The following MTAP variants were observed in gnomAD, a reference collection of about 807,000 sequenced individuals.
MTAP encodes S-methyl-5'-thioadenosine phosphorylase.
A neutral mutation model predicts 33.6 loss-of-function variants in MTAP; 33 were observed. The ratio of observed to expected loss-of-function variants is 0.98; its 90% CI spans 0.74 to 1.31. The LOEUF is 1.31. Ranked by LOEUF, MTAP falls within the 40% of genes most tolerant of loss-of-function variation. The pLI is 0.00. For synonymous variants in MTAP, 148 were observed against 125.7 expected (o/e 1.18, Z -1.19); for missense variants, 367 against 360.0 (o/e 1.02, Z -0.16).
At chr9:21,921,052 A>T (rs1360052621) in intron 1 of MTAP, among the ~76,000 whole-genome samples, 1 of 151,888 alleles carries the variant, frequency 6.6e-6, no homozygotes, top group Non-Finnish European at 1.5e-5. Context: ...TTAATGGGAG[A>T]CTTTTTATTA....
At chr9:21,930,823 A>G in intron 1 of MTAP, 1 of 691,086 alleles carries the variant, frequency 1.4e-6, no homozygotes, top group South Asian at 1.7e-5. Context: ...CAACTCCTAA[A>G]TCGAGCCTCC....
chr9:21,918,697 T>C (rs1288647473), intron 1 of MTAP, among the ~76,000 whole-genome samples: 1 of 152,146 alleles, frequency 6.6e-6, no homozygotes, highest in Non-Finnish European at 1.5e-5. Flanking sequence ...CTCGTGCTGT[T>C]CTCGTGATAG....
At chr9:21,819,119 G>T (rs1218593268) in intron 4 of MTAP, among the ~76,000 whole-genome samples, 1 of 148,470 alleles carries the variant, frequency 6.7e-6, no homozygotes. Context: ...ATTCTGTTGT[G>T]TATATATACC....
At chr9:21,805,409 T>C (rs1824184512) in intron 1 of MTAP, among the ~76,000 whole-genome samples, 1 of 152,222 alleles carries the variant, frequency 6.6e-6, no homozygotes, top group Non-Finnish European at 1.5e-5. Flanking sequence ...GAGGCCTTTA[T>C]TTATTTTCTT....
In MTAP at chr9:21,918,216, G is replaced by A. The variant is rs563833132; in HGVS notation, c.148-12792G>A. Among the ~76,000 whole-genome samples, 411 of 142,406 alleles carry A rather than the reference G, an allele frequency of 2.9e-3. 67 individuals are homozygous for A. The highest frequency in any genetic ancestry group is 0.011 in the African/African-American group (389 of 34,150). The allele number at this position is 142,406 out of a possible 152,430, so 93.4% of individuals were successfully genotyped here. A position where few individuals can be genotyped will look rare whatever the true frequency, so the allele number is the denominator to read the frequency against. On this transcript the variant is annotated intron_variant, in intron 1 of 1. Transcript: ENST00000577563. ...ATACAAAAAATTAGCCGGGCGTAGT[G>A]GCGGGCGCCTGTAGTCCCAGCTACT...
intron 4 of MTAP, among the ~76,000 whole-genome samples, chr9:21,826,691 A>G (rs940424478): frequency 6.6e-6 from 1 of 151,540 alleles, no homozygotes; most frequent in Admixed American, 6.6e-5. Context: ...TACCCCCCCA[A>G]AAAAACAACA....
chr9:21,884,797 A>G (rs1818081733), intron 1 of MTAP, among the ~76,000 whole-genome samples: 1 of 152,162 alleles, frequency 6.6e-6, no homozygotes, highest in African/African-American at 2.4e-5. Context: ...GTTTCAACAT[A>G]TGAACTTTGG....
intron 1 of MTAP, among the ~76,000 whole-genome samples, chr9:21,916,360 A>G (rs1818692359): frequency 6.6e-6 from 1 of 152,192 alleles, no homozygotes; most frequent in Non-Finnish European, 1.5e-5. Context: ...CTGAAATCCC[A>G]GCACTTTAGG....
chr9:21,873,526 T>A (rs73440418), intron 1 of MTAP, among the ~76,000 whole-genome samples: 4,536 of 151,980 alleles, frequency 0.03, 192 homozygotes, highest in African/African-American at 0.082. Flanking sequence ...TGAGAACACG[T>A]CTAGAAGGTG....
chr9:21,923,362 A>C (rs182369233), intron 1 of MTAP, among the ~76,000 whole-genome samples: 14 of 152,162 alleles, frequency 9.2e-5, no homozygotes, highest in Admixed American at 8.5e-4. Flanking sequence ...GATCTCACCT[A>C]CTTGCTTTTT....
chr9:21,854,918 C>T, intron 6 of MTAP, 48 bp downstream of exon 6: 1 of 1,598,034 alleles, frequency 6.3e-7, no homozygotes, highest in East Asian at 2.2e-5. Flanking sequence ...TTTCTGGGTG[C>T]CAATAGGGTG....
intron 1 of MTAP, chr9:21,892,051 A>G (rs1818209789): frequency 6.6e-6 from 1 of 152,212 alleles, no homozygotes; most frequent in East Asian, 1.9e-4. Context: ...GAGAAATAAA[A>G]TCTTTTTCAG....
Position 21,863,959 on chromosome 9 carries a change from A to G in MTAP, c.*1945A>G, listed in dbSNP as rs1417430417. The G allele has an allele frequency of 4.1e-6, 4 of 985,732 alleles. No homozygotes were observed. The East Asian group carries it at 3.4e-4, about 84-fold the overall frequency. 61.1% of individuals were successfully genotyped at this position (985,732 alleles called of 1,614,324 possible). A position where few individuals can be genotyped will look rare whatever the true frequency, so the allele number is the denominator to read the frequency against. On this transcript the variant is annotated 3_prime_UTR_variant, in exon 8 of 8. Coordinates refer to ENST00000644715, the MANE Select transcript of MTAP (RefSeq NM_002451.4). The stretch of plus-strand genomic sequence containing the variant: ...TTTCAACTCTGGTTATCCATTAGCA[A>G]TCTGTAGAGAACTTAATGAACCTGA...
At chr9:21,803,035 C>CACACACACACACACACACCA in intron 1 of MTAP, 1 of 1,077,106 alleles carries the variant, frequency 9.3e-7, no homozygotes, top group Non-Finnish European at 1.2e-6. Context: ...CACACACACA[C>CACACACACACACACACACCA]ACCACCTTTT....
intron 1 of MTAP, among the ~76,000 whole-genome samples, chr9:21,915,633 C>T (rs1170086216): frequency 6.6e-6 from 1 of 152,052 alleles, no homozygotes; most frequent in Non-Finnish European, 1.5e-5. Flanking sequence ...TCTGAGTATA[C>T]TTATTTCAAT....
intron 5 of MTAP, among the ~76,000 whole-genome samples, chr9:21,841,971 T>C (rs1825258350): frequency 1.3e-5 from 2 of 152,200 alleles, no homozygotes; most frequent in African/African-American, 2.4e-5. Flanking sequence ...GATTGGTTAT[T>C]AAGCTACTCA....
At position 21,840,856 on chromosome 9, in the gene MTAP, T is replaced by C. The variant is rs1825225659; in HGVS notation, c.450+2846T>C. Among the ~76,000 whole-genome samples the C allele has an allele frequency of 2.0e-5, 3 of 152,172 alleles. No homozygotes were observed. The South Asian group carries it at 6.2e-4, about 31-fold the overall frequency. ...AAGGGGTGAGGTCCAAAGGCCATGC[T>C]TGCTTTCCCAGTGGGGTAGCTCACA... On this transcript the variant is annotated intron_variant, in intron 5 of 7. Transcript: ENST00000644715.
At chr9:21,920,847 T>C (rs1301253732) in intron 1 of MTAP, among the ~76,000 whole-genome samples, 2 of 152,234 alleles carry the variant, frequency 1.3e-5, no homozygotes, top group East Asian at 3.8e-4. Context: ...TTTACAACTA[T>C]GTTCACCAGA....
At chr9:21,803,387 A>T in intron 1 of MTAP, 1 of 156,450 alleles carries the variant, frequency 6.4e-6, no homozygotes, top group East Asian at 1.9e-4. Context: ...ATACTGTAAG[A>T]ATTCTGAGAC....
Sources: gnomAD v4.1 joint callset for allele counts (sites outside exome capture counted in the v4.1 genomes callset) on GRCh38, gnomAD v4.1.1 for gene constraint, MANE v1.5 for transcripts, NCBI Gene and HGNC (gene_info 2026-07-23, HGNC 2026-07-21) for gene names.